The following SSRP1 variants were observed in gnomAD, a reference collection of about 807,000 sequenced individuals.
SSRP1 encodes FACT complex subunit SSRP1.
In SSRP1, 21 loss-of-function variants were observed where a neutral mutation model predicts 84.4. That is an observed-to-expected ratio of 0.25 (90% CI 0.18 to 0.36). The LOEUF is 0.36. Ranked by LOEUF, SSRP1 falls within the 10% of genes least tolerant of loss-of-function variation. The pLI, the probability that SSRP1 is intolerant of heterozygous loss-of-function variation, is 1.00. For synonymous variants in SSRP1, 319 were observed against 318.3 expected (o/e 1.00, Z -0.02); for missense variants, 519 against 900.8 (o/e 0.58, Z 5.43).
In SSRP1 at chr11:57,332,129, G is replaced by C; in HGVS notation, c.1001+23C>G. On this transcript the variant is annotated intron_variant, in intron 8 of 16. Coordinates refer to ENST00000278412, the MANE Select transcript of SSRP1 (RefSeq NM_003146.3). This position sits in a 1 kb window ranked among gnomAD's most constrained non-coding sequence, Gnocchi z 5.5. ...GCATTTCCCATACCCAGGCAGGGCA[G>C]GATCCCAGGCCCACACTCTCACCCT... The C allele has an allele frequency of 6.2e-7, 1 of 1,613,030 alleles. No homozygotes were observed. The highest frequency in any genetic ancestry group is 8.5e-7 in the Non-Finnish European group (1 of 1,179,948).
rs763869050 is a variant in SSRP1 at position 57,326,179 on chromosome 11, C to A, written c.*228G>T. On this transcript the variant is annotated 3_prime_UTR_variant, in exon 17 of 17. Coordinates refer to ENST00000278412, the MANE Select transcript of SSRP1 (RefSeq NM_003146.3). ...AGATGAGGATTTGGATCCTGCATTGCCCTGCCTCCCACCCTATCTCTCCCC... is the reference window on the plus strand; with the variant it reads ...AGATGAGGATTTGGATCCTGCATTGACCTGCCTCCCACCCTATCTCTCCCC... The A allele has an allele frequency of 1.7e-6, 1 of 587,984 alleles. No individual in the cohort carries two copies. Among genetic ancestry groups the A allele is most frequent in the Non-Finnish European group, 3.0e-6 (1 of 330,018 alleles). 36.4% of individuals were successfully genotyped at this position (587,984 alleles called of 1,614,324 possible).
intron 3 of SSRP1, among the ~76,000 whole-genome samples, chr11:57,333,962 G>A (rs980815905): frequency 3.9e-5 from 6 of 152,190 alleles, no homozygotes; most frequent in Non-Finnish European, 7.3e-5. Context: ...ACCAGACTGG[G>A]TAATGTGGCA....
chr11:57,332,827 G>A lies in SSRP1; in HGVS notation c.566C>T (p.Ala189Val). The A allele has an allele frequency of 1.2e-6, 2 of 1,613,254 alleles. No individual in the cohort carries two copies. Among genetic ancestry groups the A allele is most frequent in the Non-Finnish European group, 1.7e-6 (2 of 1,179,356 alleles). ...EAFAQNVLSK[A>V]DVIQATGDAI... Reference sequence around the variant, plus strand: ...ATCTCCCGTGGCCTGGATTACATCCGCCTTTGACAACACATTCTGGGCAAA... The same window carrying A: ...ATCTCCCGTGGCCTGGATTACATCCACCTTTGACAACACATTCTGGGCAAA... The change falls in exon 6 of 17, where the codon GCG becomes GTG. Residue 189 changes from alanine (A) to valine (V), a missense_variant. Ala to Val is a moderately conservative substitution (Grantham distance 64, BLOSUM62 0). Coordinates refer to ENST00000278412, the MANE Select transcript of SSRP1 (RefSeq NM_003146.3). This position sits in a 1 kb window ranked among gnomAD's most constrained non-coding sequence, Gnocchi z 5.5.
intron 15 of SSRP1, 27 bp from the exon 16 acceptor site, chr11:57,326,916 T>C: frequency 6.4e-7 from 1 of 1,550,926 alleles, no homozygotes; most frequent in African/African-American, 1.4e-5. Context: ...GAAGAGGAGC[T>C]GGGCCTTCAG....
rs1856192279 is a variant in SSRP1 at position 57,335,365 on chromosome 11, A to G, written c.-119-125T>C. On this transcript the variant is annotated intron_variant, in intron 1 of 16. Coordinates refer to ENST00000278412, the MANE Select transcript of SSRP1 (RefSeq NM_003146.3). The surrounding 1 kb of genome is among the most constrained non-coding windows in gnomAD (Gnocchi z 4.6). ...GGATTTCCTCTGCCTGGAAACCTACAGACGGACGCTGCAGTGCCCGAGGGT... is the reference window on the plus strand; with the variant it reads ...GGATTTCCTCTGCCTGGAAACCTACGGACGGACGCTGCAGTGCCCGAGGGT... 1 of 487,080 alleles carries G rather than the reference A, an allele frequency of 2.1e-6. No homozygotes were observed. Among genetic ancestry groups the G allele is most frequent in the Non-Finnish European group, 3.8e-6 (1 of 263,458 alleles). The allele number at this position is 487,080 out of a possible 1,614,324, so 30.2% of individuals were successfully genotyped here. A position where few individuals can be genotyped will look rare whatever the true frequency, so the allele number is the denominator to read the frequency against.
intron 12 of SSRP1, 65 bp from the exon 13 acceptor site, chr11:57,328,491 G>A (rs1856028802): frequency 1.3e-6 from 2 of 1,592,308 alleles, no homozygotes; most frequent in South Asian, 2.3e-5. Context: ...CCTCAGGACA[G>A]GAGGAAGACA....
At chr11:57,331,910 C>A in intron 8 of SSRP1, 21 bp from the exon 9 acceptor site, 1 of 1,600,002 alleles carries the variant, frequency 6.2e-7, no homozygotes, top group African/African-American at 1.3e-5. Context: ...GTGCAGGGAG[C>A]CTGGTTAGTG....
intron 2 of SSRP1, 130 bp from the exon 3 acceptor site, chr11:57,334,778 G>T: frequency 8.9e-7 from 1 of 1,127,134 alleles, no homozygotes; most frequent in Non-Finnish European, 1.3e-6. Flanking sequence ...AACAGCTGAG[G>T]GTGCCAAGGA....
At chr11:57,327,903 C>T (rs1241549729) in intron 13 of SSRP1, 21 bp from the exon 14 acceptor site, 3 of 1,608,024 alleles carry the variant, frequency 1.9e-6, no homozygotes, top group African/African-American at 1.3e-5. Flanking sequence ...ACCCAAATGC[C>T]TTCAGCTATT....
chr11:57,327,123 CTTGCT>C, intron 15 of SSRP1: 1 of 754,626 alleles, frequency 1.3e-6, no homozygotes, highest in Non-Finnish European at 2.1e-6. Flanking sequence ...CTTGATATTT[CTTGCT>C]TTATCTTTTA....
At position 57,335,361 on chromosome 11, in the gene SSRP1, C is replaced by G. The variant is rs1856191943; in HGVS notation, c.-119-121G>C. The G allele has an allele frequency of 4.0e-6, 2 of 495,986 alleles. No individual in the cohort carries two copies. The highest frequency in any genetic ancestry group is 7.4e-6 in the Non-Finnish European group (2 of 269,058). 30.7% of individuals were successfully genotyped at this position (495,986 alleles called of 1,614,324 possible). The stretch of plus-strand genomic sequence containing the variant: ...CTCAGGATTTCCTCTGCCTGGAAAC[C>G]TACAGACGGACGCTGCAGTGCCCGA... On this transcript the variant is annotated intron_variant, in intron 1 of 16. Transcript: ENST00000278412. This position sits in a 1 kb window ranked among gnomAD's most constrained non-coding sequence, Gnocchi z 4.6.
chr11:57,333,158 A>G lies in SSRP1; in HGVS notation c.347-9T>C. 6.2e-7 allele frequency: 1 copy of G among 1,602,092 alleles called. No homozygotes were observed. The highest frequency in any genetic ancestry group is 8.5e-7 in the Non-Finnish European group (1 of 1,172,362). On this transcript the variant is annotated splice_polypyrimidine_tract_variant and intron_variant, in intron 4 of 16. Coordinates refer to ENST00000278412, the MANE Select transcript of SSRP1 (RefSeq NM_003146.3). Reference sequence around the variant, plus strand: ...AAAGGAAAGCAGCTGCCCTGTGAGGAAAGGGCTTATCCAGCCACAAGCTCC... The same window carrying G: ...AAAGGAAAGCAGCTGCCCTGTGAGGGAAGGGCTTATCCAGCCACAAGCTCC...
intron 3 of SSRP1, 81 bp downstream of exon 3, chr11:57,334,382 G>A (rs1856161839): frequency 6.6e-7 from 1 of 1,524,146 alleles, no homozygotes; most frequent in Non-Finnish European, 8.9e-7. Flanking sequence ...AGGGTTACAT[G>A]AGGAAGGAAC....
chr11:57,326,955 C>T (rs1181410923), intron 15 of SSRP1, 66 bp from the exon 16 acceptor site: 1 of 1,473,982 alleles, frequency 6.8e-7, no homozygotes, highest in African/African-American at 1.4e-5. Flanking sequence ...CAAACCTCTC[C>T]CAGCTTTAAC....
Position 57,333,551 on chromosome 11 carries a change from A to G in SSRP1, c.241-11T>C. On this transcript the variant is annotated splice_polypyrimidine_tract_variant and intron_variant, in intron 3 of 16. Transcript: ENST00000278412. ...GAGTTTCTCAAACTCCTGTGGGTGG[A>G]GGGAAGAAAGCACAATCCCAGTAAA... is the stretch of plus-strand genomic sequence containing the variant. 6.2e-7 allele frequency: 1 copy of G among 1,600,316 alleles called. No homozygotes were observed.
intron 3 of SSRP1, 56 bp from the exon 4 acceptor site, chr11:57,333,596 G>T: frequency 8.1e-7 from 1 of 1,228,122 alleles, no homozygotes; most frequent in Non-Finnish European, 1.2e-6. Flanking sequence ...CCTTAACACC[G>T]ACTTGAATGT....
chr11:57,330,850 A>C lies in SSRP1; in HGVS notation c.1296+5T>G, dbSNP rs935471384. The C allele has an allele frequency of 1.2e-6, 2 of 1,614,070 alleles. No individual in the cohort carries two copies. The highest frequency in any genetic ancestry group is 1.7e-6 in the Non-Finnish European group (2 of 1,180,030). On this transcript the variant is annotated splice_donor_5th_base_variant and intron_variant, in intron 10 of 16. Transcript: ENST00000278412. This position sits in a 1 kb window ranked among gnomAD's most constrained non-coding sequence, Gnocchi z 4.0. Reference sequence around the variant, plus strand: ...GAGGGTCTCATCCTCCCCACACAGAAGTACCTCTTTCAATCCTCGGTTTTT... The same window carrying C: ...GAGGGTCTCATCCTCCCCACACAGACGTACCTCTTTCAATCCTCGGTTTTT...
At position 57,326,206 on chromosome 11, in the gene SSRP1, A is replaced by T. The variant is rs529931230; in HGVS notation, c.*201T>A. On this transcript the variant is annotated 3_prime_UTR_variant, in exon 17 of 17. Transcript: ENST00000278412. ...CTGCCTCCCACCCTATCTCTCCCCAAATTATAAACAGCCATCCTTGGGAAG... is the reference window on the plus strand; with the variant it reads ...CTGCCTCCCACCCTATCTCTCCCCATATTATAAACAGCCATCCTTGGGAAG... The T allele has an allele frequency of 3.3e-6, 2 of 606,312 alleles. No homozygotes were observed. Among genetic ancestry groups the T allele is most frequent in the Non-Finnish European group, 5.8e-6 (2 of 342,498 alleles). The allele number at this position is 606,312 out of a possible 1,614,324, so 37.6% of individuals were successfully genotyped here. A position where few individuals can be genotyped will look rare whatever the true frequency, so the allele number is the denominator to read the frequency against.
chr11:57,328,556 C>T (rs1856029911), intron 12 of SSRP1, 130 bp from the exon 13 acceptor site: 1 of 1,304,452 alleles, frequency 7.7e-7, no homozygotes, highest in African/African-American at 1.5e-5. Context: ...AGGACAGTAT[C>T]CACCACCAAT....
Sources: allele counts gnomAD v4.1 joint callset (sites outside exome capture counted in the v4.1 genomes callset), GRCh38; gene constraint gnomAD v4.1.1; non-coding constraint Gnocchi (gnomAD v3.1); transcripts MANE v1.5; gene names NCBI Gene and HGNC (gene_info 2026-07-23, HGNC 2026-07-21).